Variants in ADAR observed in about 807,000 individuals in gnomAD.
The protein encoded by ADAR is double-stranded RNA-specific adenosine deaminase.
In ADAR, 41 loss-of-function variants were observed where a neutral mutation model predicts 113.2. The observed-to-expected ratio is 0.36, with a 90% CI of 0.28 to 0.47. ADAR has a LOEUF of 0.47. Among genes scored for constraint, ADAR ranks in the 20% least tolerant of loss-of-function variants. The probability of loss-of-function intolerance (pLI) is 1.00; values close to 1 mark genes in which losing one functional copy is unlikely to be tolerated. For synonymous variants in ADAR, 605 were observed against 572.6 expected (o/e 1.06, Z -0.81); for missense variants, 1,242 against 1,540.9 (o/e 0.81, Z 3.25).
rs1697900149 is a variant in ADAR, at chr1:154,601,850, ACTGT to A, written c.788_791del (p.Asp263ValfsTer31). 1 of 1,614,126 alleles carries A rather than the reference ACTGT, an allele frequency of 6.2e-7. No homozygotes were observed. Among genetic ancestry groups the A allele is most frequent in the Admixed American group, 1.7e-5 (1 of 60,018 alleles). Reference sequence around the variant, plus strand: ...CTGAGTTTGGGGATCCTTGGCTATGACTGTCTGGTCTTACCACTCCGCTGTGCTG... The same window carrying A: ...CTGAGTTTGGGGATCCTTGGCTATGACTGGTCTTACCACTCCGCTGTGCTG... On this transcript the variant is annotated frameshift_variant, in exon 2 of 15. Transcript: ENST00000368474. LOFTEE classifies it high-confidence loss of function. This position sits in a 1 kb window ranked among gnomAD's most constrained non-coding sequence, Gnocchi z 4.7.
chr1:154,591,673 G>A (rs923975391), intron 6 of ADAR, among the ~76,000 whole-genome samples: 1 of 152,232 alleles, frequency 6.6e-6, no homozygotes, highest in Non-Finnish European at 1.5e-5. Flanking sequence ...TCTACTGGCT[G>A]AGAACCCAGC....
intron 1 of ADAR, among the ~76,000 whole-genome samples, chr1:154,604,439 C>T (rs866432626): frequency 1.3e-5 from 2 of 152,212 alleles, no homozygotes; most frequent in African/African-American, 2.4e-5. Context: ...GCCCACTGTC[C>T]CCCTTTTCTT....
At position 154,584,939 on chromosome 1, in the gene ADAR, C is replaced by A. The variant is rs764682423; in HGVS notation, c.3548G>T (p.Gly1183Val). The change falls in exon 15 of 15, where the codon GGT becomes GTT. Residue 1183 changes from glycine to valine, a missense_variant. By Grantham distance (109) the Gly-to-Val change is moderately radical (BLOSUM62 -3). Around this residue, in one of 2 missense-constraint regions of ADAR, gnomAD observed 780 missense variants for 1,057.9 expected, o/e 0.74. Coordinates refer to ENST00000368474, the MANE Select transcript of ADAR (RefSeq NM_001111.5). ...YRRDLLRLSY[G>V]EAKKAARDYE... Reference sequence around the variant, plus strand: ...GTCACGGGCAGCTTTCTTGGCCTCACCATAGGAGAGTCTCAGTAGATCCCT... The same window carrying A: ...GTCACGGGCAGCTTTCTTGGCCTCAACATAGGAGAGTCTCAGTAGATCCCT... 5 of 1,614,046 alleles carry A rather than the reference C, an allele frequency of 3.1e-6. No homozygotes were observed. In the African/African-American group the frequency reaches 4.0e-5, roughly 13 times the overall value.
chr1:154,608,491 GCT>G (rs1491329527), upstream of ADAR, among the ~76,000 whole-genome samples: 6 of 34,464 alleles, frequency 1.7e-4, no homozygotes, highest in African/African-American at 4.1e-4. Flanking sequence ...ATCACTCCTG[GCT>G]TTTTTTTTTT....
chr1:154,600,766 A>C (rs1697817158), intron 2 of ADAR: 1 of 512,480 alleles, frequency 2.0e-6, no homozygotes, highest in Admixed American at 3.2e-5. Context: ...GCCACCGCGT[A>C]CGGCCAAAAC....
chr1:154,606,571 G>A (rs1698202812), intron 1 of ADAR, among the ~76,000 whole-genome samples: 1 of 152,184 alleles, frequency 6.6e-6, no homozygotes, highest in African/African-American at 2.4e-5. Flanking sequence ...AGTAGGGTTA[G>A]AGGGAGAGGA....
At chr1:154,588,429 A>G (rs1362577740) in intron 10 of ADAR, 122 bp downstream of exon 10, 2 of 1,515,624 alleles carry the variant, frequency 1.3e-6, no homozygotes. Flanking sequence ...TATGGACCTC[A>G]AACCCACAGT....
At chr1:154,590,593 C>T (rs1471352941) in intron 6 of ADAR, among the ~76,000 whole-genome samples, 184 bp from the exon 7 acceptor site, 2 of 152,136 alleles carry the variant, frequency 1.3e-5, no homozygotes, top group African/African-American at 4.8e-5. Context: ...ATTTGTGCCA[C>T]ATCCAGGTAT....
rs372562853 is a variant in ADAR, at chr1:154,601,145, G to A, written c.1497C>T (p.Cys499=). The part of the protein sequence containing the change: ...RCSPYKKLTE[C]QLKNPISGLL... ...GCCCGCTGATGGGGTTCTTCAGCTG[G>A]CACTCTGTCAGTTTCTTGTAGGGTG... Residue 499 remains cysteine (C), a synonymous_variant, in exon 2 of 15, where the codon TGC becomes TGT. Coordinates refer to ENST00000368474, the MANE Select transcript of ADAR (RefSeq NM_001111.5). The surrounding 1 kb of genome is among the most constrained non-coding windows in gnomAD (Gnocchi z 4.7). 5 of 1,614,050 alleles carry A rather than the reference G, an allele frequency of 3.1e-6. No homozygotes were observed. The highest frequency in any genetic ancestry group is 1.1e-5 in the South Asian group (1 of 91,090).
At chr1:154,586,496 A>C (rs1696771944) in intron 11 of ADAR, 133 bp from the exon 12 acceptor site, 3 of 945,964 alleles carry the variant, frequency 3.2e-6, no homozygotes, top group Non-Finnish European at 4.9e-6. Flanking sequence ...AGCCCCTGCT[A>C]TGCGCCAGGC....
chr1:154,588,093 G>A (rs764615234), intron 11 of ADAR, 32 bp downstream of exon 11: 36 of 1,612,294 alleles, frequency 2.2e-5, no homozygotes, highest in Non-Finnish European at 5.1e-6. Flanking sequence ...AGAGCCTTTT[G>A]AGGAAAGGAG....
At position 154,588,114 on chromosome 1, in the gene ADAR, G is replaced by GT; in HGVS notation, c.3019+10dup. On this transcript the variant is annotated intron_variant, in intron 11 of 14. Transcript: ENST00000368474. ...TTTTGAGGAAAGGAGGCGGGGGCAT[G>GT]TATCACTCACCGTTCTCCACCTTGG... is the stretch of plus-strand genomic sequence containing the variant. 3 of 1,613,406 alleles carry GT rather than the reference G, an allele frequency of 1.9e-6. No individual in the cohort carries two copies. The highest frequency in any genetic ancestry group is 1.7e-6 in the Non-Finnish European group (2 of 1,179,920).
At chr1:154,605,169 C>T (rs1488886362) in intron 1 of ADAR, among the ~76,000 whole-genome samples, 1 of 152,184 alleles carries the variant, frequency 6.6e-6, no homozygotes, top group Non-Finnish European at 1.5e-5. Context: ...TGTTTTCTTC[C>T]AGTTCCAGCC....
intron 6 of ADAR, among the ~76,000 whole-genome samples, chr1:154,595,195 C>A (rs114171836): frequency 6.6e-6 from 1 of 152,056 alleles, no homozygotes; most frequent in Non-Finnish European, 1.5e-5. Context: ...CGACTGTGAA[C>A]TGTGAATGCG....
rs1553206154 is a variant in ADAR, at chr1:154,582,475, A to AGCGGCATG, written c.*2330_*2331insCATGCCGC. On this transcript the variant is annotated 3_prime_UTR_variant, in exon 15 of 15. Transcript: ENST00000368474. ...GCCTCCTCTGTCCTGTGTGACTCAG[A>AGCGGCATG]GGGGCATGGGGGCGCAGGGATGTGC... 1 of 151,520 alleles carries AGCGGCATG rather than the reference A, an allele frequency of 6.6e-6. No homozygotes were observed. The highest frequency in any genetic ancestry group is 1.5e-5 in the Non-Finnish European group (1 of 67,906). 9.4% of individuals were successfully genotyped at this position (151,520 alleles called of 1,614,324 possible).
At chr1:154,600,646 G>A (rs866201783) in intron 2 of ADAR, 2 of 276,472 alleles carry the variant, frequency 7.2e-6, no homozygotes, top group South Asian at 3.8e-5. Flanking sequence ...GCTAATTTTT[G>A]TATTTTTAGT....
chr1:154,588,954 C>T (rs1490521947), intron 9 of ADAR, among the ~76,000 whole-genome samples: 4 of 152,226 alleles, frequency 2.6e-5, no homozygotes, highest in Admixed American at 2.0e-4. Flanking sequence ...GCTGTTGCTC[C>T]TTTCTAAGTC....
chr1:154,621,425 T>C (rs966220470), intron 1 of ADAR, among the ~76,000 whole-genome samples: 4 of 152,166 alleles, frequency 2.6e-5, no homozygotes, highest in Non-Finnish European at 5.9e-5. Flanking sequence ...CAAAATTAGA[T>C]GGCAAACAAT....
At chr1:154,618,470 A>T (rs1557903960) in intron 1 of ADAR, among the ~76,000 whole-genome samples, 1 of 152,340 alleles carries the variant, frequency 6.6e-6, no homozygotes, top group East Asian at 1.9e-4. Flanking sequence ...AGGTCATTGG[A>T]TGGGAATAAA....
Sources: allele counts gnomAD v4.1 joint callset (sites outside exome capture counted in the v4.1 genomes callset), GRCh38; gene constraint gnomAD v4.1.1; regional missense constraint gnomAD v4.1.1; non-coding constraint Gnocchi (gnomAD v3.1); transcripts MANE v1.5; gene names NCBI Gene and HGNC (gene_info 2026-07-23, HGNC 2026-07-21).